SLC44A5: variants seen among roughly 807,000 people sequenced by gnomAD.
SLC44A5 encodes the protein solute carrier family 44 member 5, also known as choline transporter-like protein 5.
Under a neutral mutation model 101.8 loss-of-function variants are expected in SLC44A5, and 57 were observed. The observed-to-expected ratio is 0.56, with a 90% CI of 0.45 to 0.70. The LOEUF is 0.70. SLC44A5 is among the 30% of genes least tolerant of loss of function. The probability of loss-of-function intolerance (pLI) is 0.00; values close to 1 mark genes in which losing one functional copy is unlikely to be tolerated. For missense variants in SLC44A5, 737 were observed against 853.1 expected, an observed-to-expected ratio of 0.86 and a Z score of 1.70; for synonymous variants, 281 against 290.9, an observed-to-expected ratio of 0.97 and a Z score of 0.35.
intron 2 of SLC44A5, among the ~76,000 whole-genome samples, chr1:75,457,363 C>G (rs1430576761): frequency 1.3e-5 from 2 of 151,976 alleles, no homozygotes; most frequent in African/African-American, 2.4e-5. Flanking sequence ...CAGAAATGAA[C>G]CTTCTGATCT....
intron 3 of SLC44A5, among the ~76,000 whole-genome samples, chr1:75,366,819 T>A (rs1239112856): frequency 6.6e-6 from 1 of 152,204 alleles, no homozygotes; most frequent in Non-Finnish European, 1.5e-5. Flanking sequence ...ATGCTCTCTA[T>A]TAAATTTTTC....
At chr1:75,267,264 A>G (rs900713251) in intron 6 of SLC44A5, among the ~76,000 whole-genome samples, 22 of 152,182 alleles carry the variant, frequency 1.4e-4, no homozygotes, top group African/African-American at 5.3e-4. Context: ...CCATGGGTCA[A>G]TGCTAGAGGT....
intron 2 of SLC44A5, among the ~76,000 whole-genome samples, chr1:75,457,262 C>T (rs1422066578): frequency 6.6e-6 from 1 of 151,928 alleles, no homozygotes; most frequent in Non-Finnish European, 1.5e-5. Flanking sequence ...TGATAGACAC[C>T]AGAAGTCCCA....
intron 6 of SLC44A5, among the ~76,000 whole-genome samples, chr1:75,260,641 C>T (rs558568030): frequency 2.0e-5 from 3 of 152,156 alleles, no homozygotes; most frequent in Admixed American, 1.3e-4. Context: ...CAAGGATATC[C>T]GGGACCTGAA....
At chr1:75,470,960 G>A (rs1667073672) in intron 2 of SLC44A5, among the ~76,000 whole-genome samples, 1 of 152,018 alleles carries the variant, frequency 6.6e-6, no homozygotes, top group South Asian at 2.1e-4. Context: ...TCAATTACAT[G>A]AAAATTCTAA....
intron 2 of SLC44A5, among the ~76,000 whole-genome samples, chr1:75,472,703 G>C (rs1176083769): frequency 1.3e-5 from 2 of 152,118 alleles, no homozygotes; most frequent in African/African-American, 4.8e-5. Flanking sequence ...CTCACTGAAA[G>C]GTTAGTCTCA....
At chr1:75,229,086 C>T (rs1221616280) in intron 12 of SLC44A5, among the ~76,000 whole-genome samples, 2 of 151,716 alleles carry the variant, frequency 1.3e-5, no homozygotes, top group Non-Finnish European at 1.5e-5. Context: ...AATCATTCTC[C>T]TTCTTCTGTC....
At chr1:75,467,100 A>C (rs936079922) in intron 2 of SLC44A5, among the ~76,000 whole-genome samples, 1 of 152,174 alleles carries the variant, frequency 6.6e-6, no homozygotes, top group African/African-American at 2.4e-5. Context: ...CACAAATTAA[A>C]CTAAATACCT....
intron 5 of SLC44A5, among the ~76,000 whole-genome samples, chr1:75,282,780 A>T (rs137950512): frequency 1.7e-3 from 256 of 152,180 alleles, no homozygotes; most frequent in African/African-American, 5.8e-3. Flanking sequence ...GTGAAGAAGG[A>T]TGTGTTTGCT....
At chr1:75,539,410 G>A (rs1438569815) in intron 2 of SLC44A5, among the ~76,000 whole-genome samples, 1 of 151,038 alleles carries the variant, frequency 6.6e-6, no homozygotes, top group Non-Finnish European at 1.5e-5. Flanking sequence ...TTAAATGAAT[G>A]TTTTCTATTG....
At chr1:75,376,573 G>A (rs1660633473) in intron 3 of SLC44A5, among the ~76,000 whole-genome samples, 1 of 152,152 alleles carries the variant, frequency 6.6e-6, no homozygotes, top group Admixed American at 6.5e-5. Context: ...GGGGCACACT[G>A]ACACCTCACA....
At chr1:75,224,938 G>A (rs1431578607) in intron 13 of SLC44A5, among the ~76,000 whole-genome samples, 1 of 152,016 alleles carries the variant, frequency 6.6e-6, no homozygotes, top group Non-Finnish European at 1.5e-5. Context: ...AATTTATAAA[G>A]TAAAAGTTAT....
chr1:75,440,476 G>A (rs144890268), intron 2 of SLC44A5, among the ~76,000 whole-genome samples: 143 of 152,220 alleles, frequency 9.4e-4, no homozygotes, highest in African/African-American at 3.1e-3. Flanking sequence ...AGGAAACAAG[G>A]TTGGAGAGAT....
the SLC44A5 span, among the ~76,000 whole-genome samples, chr1:75,668,179 A>G: frequency 6.6e-6 from 1 of 152,156 alleles, no homozygotes; most frequent in Non-Finnish European, 1.5e-5. Context: ...AACAAGTTAT[A>G]TCACTCCAGG....
chr1:75,633,812 A>G, the SLC44A5 span, among the ~76,000 whole-genome samples: 1 of 152,030 alleles, frequency 6.6e-6, no homozygotes. Flanking sequence ...TTTCAAAGGG[A>G]ATGCTTCCAG....
chr1:75,418,739 T>C (rs1303380831), intron 2 of SLC44A5, among the ~76,000 whole-genome samples: 1 of 152,176 alleles, frequency 6.6e-6, no homozygotes, highest in Non-Finnish European at 1.5e-5. Flanking sequence ...ATGCAATAGA[T>C]TTGCTCACAA....
At chr1:75,684,632 T>A in the SLC44A5 span, among the ~76,000 whole-genome samples, 1 of 152,174 alleles carries the variant, frequency 6.6e-6, no homozygotes, top group African/African-American at 2.4e-5. Context: ...CTGAAATGAT[T>A]TCCTTTAACT....
chr1:75,432,226 C>T (rs1664655865), intron 2 of SLC44A5, among the ~76,000 whole-genome samples: 1 of 152,088 alleles, frequency 6.6e-6, no homozygotes. Flanking sequence ...ACCTTTGCAG[C>T]CAAAGGAGTT....
intron 2 of SLC44A5, among the ~76,000 whole-genome samples, chr1:75,444,483 G>GAAAGAAGAAAGAAAGAAAGAAAGAAAGA (rs1553181287): frequency 1.4e-5 from 2 of 140,656 alleles, no homozygotes; most frequent in Non-Finnish European, 3.1e-5. Flanking sequence ...GAGAAAGAAA[G>GAAAGAAGAAAGAAAGAAAGAAAGAAAGA]AAGAAAGAAA....
Sources: allele counts gnomAD v4.1 joint callset (sites outside exome capture counted in the v4.1 genomes callset), GRCh38; gene constraint gnomAD v4.1.1; transcripts MANE v1.5; gene names NCBI Gene and HGNC (gene_info 2026-07-23, HGNC 2026-07-21).